Variants in E2F3 observed in about 807,000 individuals in gnomAD.
The protein encoded by E2F3 is transcription factor E2F3.
In E2F3, 11 loss-of-function variants were observed where a neutral mutation model predicts 44.4. The observed-to-expected ratio is 0.25, with a 90% CI of 0.16 to 0.41. E2F3 has a LOEUF of 0.41. Among genes scored for constraint, E2F3 ranks in the 10% least tolerant of loss-of-function variants. The pLI, the probability that E2F3 is intolerant of heterozygous loss-of-function variation, is 1.00. For synonymous variants in E2F3, 249 were observed against 253.0 expected, an observed-to-expected ratio of 0.98 and a Z score of 0.15; for missense variants, 487 against 583.6, an observed-to-expected ratio of 0.83 and a Z score of 1.70.
chr6:20,420,451 G>A (rs574849066), intron 1 of E2F3, among the ~76,000 whole-genome samples: 1 of 152,160 alleles, frequency 6.6e-6, no homozygotes, highest in East Asian at 1.9e-4. Context: ...GTGTGTGTGT[G>A]TGTGTGTGTG....
intron 1 of E2F3, among the ~76,000 whole-genome samples, chr6:20,458,179 G>T (rs1194349007): frequency 6.6e-6 from 1 of 152,136 alleles, no homozygotes; most frequent in African/African-American, 2.4e-5. Context: ...AGAGGCTTCA[G>T]ATCCATAATC....
chr6:20,453,217 ATTCT>A (rs1234736541), intron 1 of E2F3, among the ~76,000 whole-genome samples: 1 of 151,872 alleles, frequency 6.6e-6, no homozygotes, highest in Non-Finnish European at 1.5e-5. Flanking sequence ...AGAATTTTCC[ATTCT>A]TTCTTTTATG....
intron 1 of E2F3, among the ~76,000 whole-genome samples, chr6:20,423,688 C>G (rs1760105883): frequency 1.3e-5 from 2 of 152,068 alleles, no homozygotes; most frequent in Admixed American, 6.6e-5. Flanking sequence ...CCAGGCTGGT[C>G]TCGAACTCCT....
chr6:20,408,440 T>C (rs1174752776), intron 1 of E2F3, among the ~76,000 whole-genome samples: 2 of 152,252 alleles, frequency 1.3e-5, no homozygotes, highest in Non-Finnish European at 2.9e-5. Context: ...AAAAGCAATG[T>C]GTTTTTGGAA....
rs544998788 is a variant in E2F3, at chr6:20,402,916, C to G, written c.393+291C>G. Among the ~76,000 whole-genome samples, 19 of 152,276 alleles carry G rather than the reference C, an allele frequency of 1.2e-4. No homozygotes were observed. The East Asian group carries it at 3.7e-3, about 29-fold the overall frequency. ...CCCCCCTTCTTTTCCTGCACTTTTC[C>G]CTACCCCCACTCTCCCTTCCCCTCC... On this transcript the variant is annotated intron_variant, in intron 1 of 6. Coordinates refer to ENST00000346618, the MANE Select transcript of E2F3 (RefSeq NM_001949.5). The surrounding 1 kb of genome is among the most constrained non-coding windows in gnomAD (Gnocchi z 5.6).
chr6:20,428,182 G>A (rs778027329), intron 1 of E2F3, among the ~76,000 whole-genome samples: 7 of 152,118 alleles, frequency 4.6e-5, no homozygotes, highest in Non-Finnish European at 7.4e-5. Flanking sequence ...AACTCAGGCA[G>A]TCATTTCTCT....
intron 1 of E2F3, among the ~76,000 whole-genome samples, chr6:20,479,245 T>C (rs1762142017): frequency 2.0e-5 from 3 of 152,338 alleles, no homozygotes; most frequent in African/African-American, 7.2e-5. Flanking sequence ...TCTCATTGAA[T>C]ATACAGTATA....
At chr6:20,465,747 A>G (rs1026951809) in intron 1 of E2F3, among the ~76,000 whole-genome samples, 4 of 152,178 alleles carry the variant, frequency 2.6e-5, no homozygotes, top group Non-Finnish European at 5.9e-5. Context: ...ATGGTCTCCA[A>G]TCTCATCCAG....
At chr6:20,409,839 G>A (rs1185743861) in intron 1 of E2F3, among the ~76,000 whole-genome samples, 3 of 152,182 alleles carry the variant, frequency 2.0e-5, no homozygotes, top group East Asian at 1.9e-4. Flanking sequence ...TAGGGGCAGC[G>A]ATATATGGCT....
At position 20,402,195 on chromosome 6, in the gene E2F3, T is replaced by C; in HGVS notation, c.-38T>C. ...TAATAAAGAAATTGAAAACAATACA[T>C]TAATATACCATAACACTAAAAAGAG... On this transcript the variant is annotated 5_prime_UTR_variant, in exon 1 of 7. Coordinates refer to ENST00000346618, the MANE Select transcript of E2F3 (RefSeq NM_001949.5). The surrounding 1 kb of genome is among the most constrained non-coding windows in gnomAD (Gnocchi z 5.6). The C allele has an allele frequency of 1.3e-6, 2 of 1,548,378 alleles. No homozygotes were observed. Among genetic ancestry groups the C allele is most frequent in the Non-Finnish European group, 1.7e-6 (2 of 1,157,432 alleles).
At chr6:20,477,285 C>G (rs905619285) in intron 1 of E2F3, among the ~76,000 whole-genome samples, 3 of 152,024 alleles carry the variant, frequency 2.0e-5, no homozygotes, top group Non-Finnish European at 2.9e-5. Flanking sequence ...TGACTAGAAG[C>G]CTTACCAATA....
chr6:20,490,091 A>G lies in E2F3; in HGVS notation c.1136-77A>G. 1 of 1,452,090 alleles carries G rather than the reference A, an allele frequency of 6.9e-7. No individual in the cohort carries two copies. The highest frequency in any genetic ancestry group is 9.3e-7 in the Non-Finnish European group (1 of 1,080,592). 90.0% of individuals were successfully genotyped at this position (1,452,090 alleles called of 1,614,324 possible). On this transcript the variant is annotated intron_variant, in intron 6 of 6. Transcript: ENST00000346618. The surrounding 1 kb of genome is among the most constrained non-coding windows in gnomAD (Gnocchi z 4.3). ...AAGGTACATGCTTTTTTCTAACAGCAACATATACATTCTTCCAGAAAAATT... is the reference window on the plus strand; with the variant it reads ...AAGGTACATGCTTTTTTCTAACAGCGACATATACATTCTTCCAGAAAAATT...
rs187074627 is a variant in E2F3 at position 20,492,939 on chromosome 6, C to T, written c.*2509C>T. 2.3e-5 allele frequency: 5 copies of T among 216,756 alleles called. No homozygotes were observed. Among genetic ancestry groups the T allele is most frequent in the East Asian group, 6.9e-5 (1 of 14,530 alleles). The allele number at this position is 216,756 out of a possible 1,614,324, so 13.4% of individuals were successfully genotyped here. ...ATTGAGTTGCTGCTATTAAAGCTCA[C>T]ACACGAAATGGCTAAAAGTTACAAG... is the stretch of plus-strand genomic sequence containing the variant. On this transcript the variant is annotated 3_prime_UTR_variant, in exon 7 of 7. Coordinates refer to ENST00000346618, the MANE Select transcript of E2F3 (RefSeq NM_001949.5).
intron 4 of E2F3, 89 bp from the exon 5 acceptor site, chr6:20,486,591 TCATAAAATA>T (rs1762401452): frequency 1.4e-6 from 1 of 725,518 alleles, no homozygotes; most frequent in Admixed American, 2.6e-5. Flanking sequence ...TACTTCTAAG[TCATAAAATA>T]CTTTAAAATA....
Position 20,447,047 on chromosome 6 carries a change from T to C in E2F3, c.394-32799T>C, listed in dbSNP as rs189928570. 2.6e-5 allele frequency among the ~76,000 whole-genome samples: 4 copies of C among 152,334 alleles called. 1 individual carries two copies. In the East Asian group the frequency reaches 7.7e-4, roughly 29 times the overall value. ...AATATAATCAATTTTTAATTGTCTTTCTTGGATAATATCAAGATAGAGTGT... is the reference window on the plus strand; with the variant it reads ...AATATAATCAATTTTTAATTGTCTTCCTTGGATAATATCAAGATAGAGTGT... On this transcript the variant is annotated intron_variant, in intron 1 of 6. Coordinates refer to ENST00000346618, the MANE Select transcript of E2F3 (RefSeq NM_001949.5).
At chr6:20,459,413 T>C (rs907576155) in intron 1 of E2F3, among the ~76,000 whole-genome samples, 1 of 152,250 alleles carries the variant, frequency 6.6e-6, no homozygotes, top group African/African-American at 2.4e-5. Context: ...CTACCACTTA[T>C]ATCATTAGAT....
chr6:20,487,469 C>G (rs1762428187), intron 5 of E2F3, among the ~76,000 whole-genome samples: 1 of 152,184 alleles, frequency 6.6e-6, no homozygotes. Flanking sequence ...ATGCTGCATT[C>G]TCTTAATAGA....
intron 4 of E2F3, among the ~76,000 whole-genome samples, chr6:20,485,993 C>G (rs1762379756): frequency 6.6e-6 from 1 of 151,996 alleles, no homozygotes; most frequent in Non-Finnish European, 1.5e-5. Flanking sequence ...TGGAATCTGC[C>G]ATCATTCAGT....
chr6:20,415,946 A>C (rs531736106), intron 1 of E2F3, among the ~76,000 whole-genome samples: 3 of 152,254 alleles, frequency 2.0e-5, no homozygotes, highest in African/African-American at 7.2e-5. Flanking sequence ...CTTTCTGCTC[A>C]GGGTCAACTT....
Sources: gnomAD v4.1 joint callset for allele counts (sites outside exome capture counted in the v4.1 genomes callset) on GRCh38, gnomAD v4.1.1 for gene constraint, Gnocchi (gnomAD v3.1) non-coding constraint, MANE v1.5 for transcripts, NCBI Gene and HGNC (gene_info 2026-07-23, HGNC 2026-07-21) for gene names.